Variants in VRTN observed in about 807,000 individuals in gnomAD.
VRTN encodes the protein vertebrae development associated.
Under a neutral mutation model 18.2 loss-of-function variants are expected in VRTN, and 5 were observed. The ratio of observed to expected loss-of-function variants is 0.27; its 90% CI spans 0.14 to 0.58. The LOEUF (loss-of-function observed/expected upper bound fraction) is 0.58, where lower values mean the gene tolerates loss of function less well. Ranked by LOEUF, VRTN falls within the 20% of genes least tolerant of loss-of-function variation. VRTN has a pLI of 0.91. For missense variants in VRTN, 741 were observed against 939.4 expected (o/e 0.79, Z 2.76); for synonymous variants, 381 against 393.7 (o/e 0.97, Z 0.38).
upstream of VRTN, among the ~76,000 whole-genome samples, chr14:74,347,125 T>C (rs916079852): frequency 1.3e-5 from 2 of 152,234 alleles, no homozygotes; most frequent in African/African-American, 4.8e-5. Flanking sequence ...AGCAGAGTTC[T>C]AAATGTTTTA....
At chr14:74,323,834 A>G (rs926772030) in intron 1 of VRTN, among the ~76,000 whole-genome samples, 1 of 152,144 alleles carries the variant, frequency 6.6e-6, no homozygotes, top group Non-Finnish European at 1.5e-5. Flanking sequence ...TATGGCATGC[A>G]ATATTTGGGA....
intron 1 of VRTN, among the ~76,000 whole-genome samples, chr14:74,324,699 G>A (rs1215940534): frequency 1.3e-5 from 2 of 151,824 alleles, no homozygotes; most frequent in African/African-American, 4.8e-5. Context: ...GCCAGCCTGC[G>A]TAACATGCCG....
intron 1 of VRTN, among the ~76,000 whole-genome samples, chr14:74,331,541 ATT>A (rs1236147395): frequency 0.064 from 3,195 of 50,126 alleles, 299 homozygotes; most frequent in Middle Eastern, 0.087. Flanking sequence ...AAAAAAAAAA[ATT>A]TTATATATAT....
chr14:74,354,261 G>A (rs2085707824), intron 1 of VRTN, among the ~76,000 whole-genome samples: 1 of 152,058 alleles, frequency 6.6e-6, no homozygotes, highest in African/African-American at 2.4e-5. Context: ...GATGGAAAAA[G>A]GAGGAGTATT....
At chr14:74,332,809 C>T (rs1008209895) in intron 1 of VRTN, among the ~76,000 whole-genome samples, 7 of 152,170 alleles carry the variant, frequency 4.6e-5, no homozygotes, top group African/African-American at 1.7e-4. Context: ...GTGTGAGTGG[C>T]ACATTAGTCC....
At chr14:74,339,703 A>G (rs958929601) in intron 2 of VRTN, among the ~76,000 whole-genome samples, 1 of 152,104 alleles carries the variant, frequency 6.6e-6, no homozygotes, top group African/African-American at 2.4e-5. Context: ...AGTCCCAGCT[A>G]CTTGGGAGGC....
chr14:74,309,519 A>C (rs372977355), intron 1 of VRTN, among the ~76,000 whole-genome samples: 4 of 152,294 alleles, frequency 2.6e-5, no homozygotes, highest in African/African-American at 9.6e-5. Context: ...TTTGTTGAAC[A>C]AAGATAAACA....
At chr14:74,336,349 G>A (rs919271557) in intron 1 of VRTN, among the ~76,000 whole-genome samples, 2 of 152,052 alleles carry the variant, frequency 1.3e-5, no homozygotes, top group African/African-American at 4.8e-5. Flanking sequence ...GGAGGTTGCA[G>A]TTAGCCGAGA....
At chr14:74,347,396 G>A (rs1446816532), upstream of VRTN, among the ~76,000 whole-genome samples, 1 of 152,206 alleles carries the variant, frequency 6.6e-6, no homozygotes, top group South Asian at 2.1e-4. Flanking sequence ...TCTTCTTCCA[G>A]TGCCCCTGGG....
rs1389832131 is a variant in VRTN, at chr14:74,323,596, C to A, written c.-163-14127C>A. On this transcript the variant is annotated intron_variant, in intron 1 of 2. Coordinates refer to the VRTN transcript ENST00000557177. ...GAAATTCCATCTAAAAAAAAAAAAC[C>A]AAACCAACAAACAAACAAAAAAAAC... Among the ~76,000 whole-genome samples the A allele has an allele frequency of 2.6e-5, 4 of 151,340 alleles. No homozygotes were observed. The East Asian group carries it at 7.8e-4, about 30-fold the overall frequency.
At chr14:74,351,983 A>G (rs951930263) in intron 1 of VRTN, among the ~76,000 whole-genome samples, 1 of 151,720 alleles carries the variant, frequency 6.6e-6, no homozygotes, top group African/African-American at 2.4e-5. Context: ...AGCTGGGACT[A>G]CAGGCGCGGG....
Position 74,358,512 on chromosome 14 carries a change from GAGA to G in VRTN, c.1732_1734del (p.Lys578del). 1 of 1,612,684 alleles carries G rather than the reference GAGA, an allele frequency of 6.2e-7. No homozygotes were observed. Among genetic ancestry groups the G allele is most frequent in the Non-Finnish European group, 8.5e-7 (1 of 1,179,908 alleles). On this transcript the variant is annotated inframe_deletion, in exon 2 of 2. Coordinates refer to ENST00000256362, the MANE Select transcript of VRTN (RefSeq NM_018228.3). The surrounding 1 kb of genome is among the most constrained non-coding windows in gnomAD (Gnocchi z 5.4). ...GGGGCAGGAGGCTGAGGAGAAGCAGGAGAAGGAGGCTGGCAGGGATGTGACAGC... is the reference window on the plus strand; with the variant it reads ...GGGGCAGGAGGCTGAGGAGAAGCAGGAGGAGGCTGGCAGGGATGTGACAGC...
intron 1 of VRTN, among the ~76,000 whole-genome samples, chr14:74,335,009 C>T (rs1013305612): frequency 1.3e-5 from 2 of 152,100 alleles, no homozygotes; most frequent in African/African-American, 2.4e-5. Flanking sequence ...AGGCCAGGCA[C>T]GGTGGCTCAC....
chr14:74,343,738 G>A (rs556085670), upstream of VRTN, among the ~76,000 whole-genome samples: 1 of 152,168 alleles, frequency 6.6e-6, no homozygotes, highest in African/African-American at 2.4e-5. Flanking sequence ...TGCTTTAAGT[G>A]TAAAATACAC....
intron 1 of VRTN, among the ~76,000 whole-genome samples, chr14:74,313,746 T>G (rs2085402795): frequency 6.6e-6 from 1 of 152,188 alleles, no homozygotes; most frequent in South Asian, 2.1e-4. Flanking sequence ...TTTGGTAAGC[T>G]GAGACAGGAA....
At chr14:74,308,872 T>G (rs1160735737) in intron 1 of VRTN, among the ~76,000 whole-genome samples, 74 of 151,302 alleles carry the variant, frequency 4.9e-4, no homozygotes, top group African/African-American at 1.7e-3. Context: ...GTTTGTTTTT[T>G]TTTTTTTTTT....
intron 2 of VRTN, chr14:74,338,001 AC>A (rs2085576836): frequency 6.6e-6 from 1 of 152,128 alleles, no homozygotes; most frequent in Non-Finnish European, 1.5e-5. Context: ...GGTATAATGA[AC>A]CACTCAGAAT....
At chr14:74,332,156 T>C (rs1212678377) in intron 1 of VRTN, among the ~76,000 whole-genome samples, 2 of 151,900 alleles carry the variant, frequency 1.3e-5, no homozygotes, top group Non-Finnish European at 2.9e-5. Flanking sequence ...GGACCTTTGT[T>C]CTGTATTGTA....
intron 1 of VRTN, among the ~76,000 whole-genome samples, chr14:74,351,942 C>G (rs1438881235): frequency 6.6e-6 from 1 of 151,720 alleles, no homozygotes; most frequent in East Asian, 1.9e-4. Flanking sequence ...CTCTTGGGTT[C>G]AAGTGATTCT....
Sources: allele counts gnomAD v4.1 joint callset (sites outside exome capture counted in the v4.1 genomes callset), GRCh38; gene constraint gnomAD v4.1.1; non-coding constraint Gnocchi (gnomAD v3.1); transcripts MANE v1.5; gene names NCBI Gene and HGNC (gene_info 2026-07-23, HGNC 2026-07-21).